Variants in WASHC2A observed in about 807,000 individuals in gnomAD.
The protein encoded by WASHC2A is WASH complex subunit FAM21A.
In WASHC2A, 82 loss-of-function variants were observed where a neutral mutation model predicts 140.3. The ratio of observed to expected loss-of-function variants is 0.58; its 90% CI spans 0.49 to 0.70. The LOEUF (loss-of-function observed/expected upper bound fraction) is 0.70. Ranked by LOEUF, WASHC2A falls within the 30% of genes least tolerant of loss-of-function variation. WASHC2A has a pLI of 0.00. For missense variants in WASHC2A, 985 were observed against 1,521.8 expected (o/e 0.65, Z 5.87); for synonymous variants, 340 against 560.8 (o/e 0.61, Z 5.56).
At chr10:50,098,444 G>A (rs1840718584) in intron 16 of WASHC2A, among the ~76,000 whole-genome samples, 2 of 136,970 alleles carry the variant, frequency 1.5e-5, no homozygotes, top group Admixed American at 8.0e-5. Context: ...GTTCACAATA[G>A]CGTTTGCCTT....
rs1478104661 is a variant in WASHC2A, at chr10:50,123,100, C to T, written c.2479-2013C>T. 5.3e-5 allele frequency among the ~76,000 whole-genome samples: 7 copies of T among 132,314 alleles called. 1 individual carries two copies. The highest frequency in any genetic ancestry group is 4.1e-4 in the East Asian group (2 of 4,862). 86.8% of individuals were successfully genotyped at this position (132,314 alleles called of 152,430 possible). A position where few individuals can be genotyped will look rare whatever the true frequency, so the allele number is the denominator to read the frequency against. Reference sequence around the variant, plus strand: ...TAAAAAAAAAAAAAAAGGGAAGTAACGAGTGTTGGTAAGGATGTGGATAAA... The same window carrying T: ...TAAAAAAAAAAAAAAAGGGAAGTAATGAGTGTTGGTAAGGATGTGGATAAA... On this transcript the variant is annotated intron_variant, in intron 23 of 30. Coordinates refer to ENST00000282633, the MANE Select transcript of WASHC2A (RefSeq NM_001005751.3).
In WASHC2A at chr10:50,127,810, T is replaced by G; in HGVS notation, c.3087+15T>G. On this transcript the variant is annotated intron_variant, in intron 28 of 30. Transcript: ENST00000282633. ...GTGCAAACAAGGTGATGAAACCATC[T>G]TTGCTTCCTTGCTCTCTTCTTTTAA... 1.5e-6 allele frequency: 2 copies of G among 1,296,162 alleles called. No individual in the cohort carries two copies. The highest frequency in any genetic ancestry group is 2.2e-6 in the Non-Finnish European group (2 of 919,886). The allele number at this position is 1,296,162 out of a possible 1,614,324, so 80.3% of individuals were successfully genotyped here. A position where few individuals can be genotyped will look rare whatever the true frequency, so the allele number is the denominator to read the frequency against.
rs1285859127 is a variant in WASHC2A at position 50,123,340 on chromosome 10, CA to C, written c.2479-1771del. Among the ~76,000 whole-genome samples, 5 of 130,524 alleles carry C rather than the reference CA, an allele frequency of 3.8e-5. 1 individual carries two copies. In the Admixed American group the frequency reaches 4.2e-4, roughly 11 times the overall value. 85.6% of individuals were successfully genotyped at this position (130,524 alleles called of 152,430 possible). On this transcript the variant is annotated intron_variant, in intron 23 of 30. Transcript: ENST00000282633. The stretch of plus-strand genomic sequence containing the variant: ...ATTCGTAATAGCCAAAAGATGGAAA[CA>C]ATGGCTAAACATAATATAGTATATC...
chr10:50,090,042 G>A (rs1258857288), intron 8 of WASHC2A, among the ~76,000 whole-genome samples: 70 of 151,072 alleles, frequency 4.6e-4, no homozygotes, highest in African/African-American at 1.5e-3. Context: ...CCTAGGAGGC[G>A]GAGGTTGCAG....
At chr10:50,084,012 C>G in intron 5 of WASHC2A, 60 bp from the exon 6 acceptor site, 3 of 1,588,018 alleles carry the variant, frequency 1.9e-6, no homozygotes, top group Non-Finnish European at 1.7e-6. Context: ...TATCAGGTGG[C>G]ACATGTAAGT....
chr10:50,098,366 C>G (rs1840708326), intron 16 of WASHC2A, among the ~76,000 whole-genome samples: 1 of 151,748 alleles, frequency 6.6e-6, no homozygotes, highest in Middle Eastern at 3.2e-3. Context: ...CAGCAGTGAT[C>G]CCCAACCTTT....
intron 8 of WASHC2A, among the ~76,000 whole-genome samples, chr10:50,090,515 A>AAATATATAT (rs1214596899): frequency 2.8e-5 from 3 of 108,762 alleles, no homozygotes; most frequent in African/African-American, 9.8e-5. Flanking sequence ...AAAAAAAAAA[A>AAATATATAT]ATATATATAT....
intron 2 of WASHC2A, among the ~76,000 whole-genome samples, chr10:50,068,752 T>C (rs1837526245): frequency 6.7e-6 from 1 of 149,866 alleles, no homozygotes; most frequent in Non-Finnish European, 1.5e-5. Context: ...GGTTTTGCCC[T>C]GTCGCCCAGG....
chr10:50,106,588 C>T, intron 19 of WASHC2A, 123 bp downstream of exon 19: 1 of 1,449,876 alleles, frequency 6.9e-7, no homozygotes. Context: ...AGGCGATGTT[C>T]ACAAGATTGT....
rs564308805 is a variant in WASHC2A, at chr10:50,099,956, C to G, written c.1549-22C>G. The G allele has an allele frequency of 3.5e-5, 27 of 763,248 alleles. 1 individual carries two copies. The highest frequency in any genetic ancestry group is 1.2e-4 in the African/African-American group (4 of 33,750). The allele number at this position is 763,248 out of a possible 1,614,324, so 47.3% of individuals were successfully genotyped here. On this transcript the variant is annotated intron_variant, in intron 16 of 30. Coordinates refer to ENST00000282633, the MANE Select transcript of WASHC2A (RefSeq NM_001005751.3). ...TCTTTTTCTTTTTTTCTTCCCCACC[C>G]CCCCCCCCACCCCCGACAAAGGTTA...
intron 17 of WASHC2A, among the ~76,000 whole-genome samples, chr10:50,102,357 T>C (rs879953762): frequency 1.3e-5 from 2 of 152,134 alleles, no homozygotes; most frequent in African/African-American, 2.4e-5. Flanking sequence ...TTTGAGGTAA[T>C]GGAAGTGTCT....
chr10:50,113,441 A>G (rs1403160792), intron 20 of WASHC2A, among the ~76,000 whole-genome samples: 3 of 151,972 alleles, frequency 2.0e-5, no homozygotes, highest in African/African-American at 7.2e-5. Context: ...CTACTAAAAA[A>G]AAGAAATAGA....
chr10:50,127,360 C>T (rs1429584329), intron 27 of WASHC2A, 138 bp downstream of exon 27: 1 of 1,550,136 alleles, frequency 6.5e-7, no homozygotes, highest in Non-Finnish European at 8.8e-7. Flanking sequence ...TAGTTGTTGT[C>T]TCCTGTGTGC....
intron 17 of WASHC2A, among the ~76,000 whole-genome samples, chr10:50,102,594 T>C (rs1270130758): frequency 6.6e-6 from 1 of 151,070 alleles, no homozygotes; most frequent in African/African-American, 2.4e-5. Context: ...GGAAAAACAC[T>C]GTGTGGAGGA....
intron 19 of WASHC2A, among the ~76,000 whole-genome samples, chr10:50,106,986 C>T (rs201607500): frequency 0.072 from 671 of 9,378 alleles, 56 homozygotes; most frequent in East Asian, 0.38. Context: ...CTCAGCAAGG[C>T]CTGTGTGGTC....
chr10:50,091,480 A>AG lies in WASHC2A; in HGVS notation c.898dup (p.Asp300GlyfsTer37). On this transcript the variant is annotated frameshift_variant, in exon 10 of 31. Transcript: ENST00000282633. LOFTEE classifies it high-confidence loss of function. ...GCAGATGAGCTGGCTGCCCGCATCA[A>AG]GGGGGATGCCGTGGGTCGAGTGGAC... The AG allele has an allele frequency of 1.3e-6, 2 of 1,550,726 alleles. No individual in the cohort carries two copies. The highest frequency in any genetic ancestry group is 1.7e-6 in the Non-Finnish European group (2 of 1,147,256).
At chr10:50,095,429 T>C (rs1300949104) in intron 14 of WASHC2A, among the ~76,000 whole-genome samples, 170 bp from the exon 15 acceptor site, 1,722 of 152,280 alleles carry the variant, frequency 0.011, 33 homozygotes, top group African/African-American at 0.037. Flanking sequence ...CTGGTGATTC[T>C]CCGTTGTGAG....
At chr10:50,075,495 T>C (rs1399974107) in intron 3 of WASHC2A, among the ~76,000 whole-genome samples, 2 of 151,976 alleles carry the variant, frequency 1.3e-5, no homozygotes, top group Non-Finnish European at 2.9e-5. Context: ...AGCCTCAAAC[T>C]CCTGGGCTCA....
At position 50,110,359 on chromosome 10, in the gene WASHC2A, T is replaced by G; in HGVS notation, c.2039+89T>G. On this transcript the variant is annotated intron_variant, in intron 20 of 30. Transcript: ENST00000282633. ...TGCACAATCTAGTTCATCGGGTGAT[T>G]GCTAATCATGGATCACATAGTGATT... 3 of 1,572,926 alleles carry G rather than the reference T, an allele frequency of 1.9e-6. No individual in the cohort carries two copies. The South Asian group carries it at 3.4e-5, about 18-fold the overall frequency.
Sources: gnomAD v4.1 joint callset for allele counts (sites outside exome capture counted in the v4.1 genomes callset) on GRCh38, gnomAD v4.1.1 for gene constraint, MANE v1.5 for transcripts, NCBI Gene and HGNC (gene_info 2026-07-23, HGNC 2026-07-21) for gene names.